Variants in SNUPN observed in about 807,000 individuals in gnomAD.
SNUPN encodes the protein snurportin-1.
In SNUPN, 31 loss-of-function variants were observed where a neutral mutation model predicts 39.2. That is an observed-to-expected ratio of 0.79 (90% confidence interval 0.59 to 1.07). SNUPN has a LOEUF of 1.07. Among genes scored for constraint, SNUPN ranks in the 50% least tolerant of loss-of-function variants. The pLI is 0.00. For synonymous variants in SNUPN, 132 were observed against 159.0 expected, an observed-to-expected ratio of 0.83 and a Z score of 1.28; for missense variants, 382 against 434.2, an observed-to-expected ratio of 0.88 and a Z score of 1.07.
At chr15:75,604,673 A>G (rs1340569950) in intron 7 of SNUPN, among the ~76,000 whole-genome samples, 1 of 152,216 alleles carries the variant, frequency 6.6e-6, no homozygotes, top group African/African-American at 2.4e-5. Flanking sequence ...TTTCAGATGG[A>G]AAATCTAAGG....
rs138216979 is a variant in SNUPN, at chr15:75,598,420, T to G, written c.1021A>C (p.Thr341Pro). ...NGHYELEHLS[T>P]PKLKGSSHSP... ...TGGGAAGAACCCTTCAACTTGGGAG[T>G]AGACAGGTGCTCCAATTCATAGTGC... Residue 341 changes from threonine (T) to proline (P), a missense_variant, in exon 9 of 9, where the codon ACT becomes CCT. Coordinates refer to ENST00000308588, the MANE Select transcript of SNUPN (RefSeq NM_005701.4). 1.1e-4 allele frequency: 174 copies of G among 1,614,104 alleles called. 1 individual carries two copies. Among genetic ancestry groups the G allele is most frequent in the Admixed American group, 1.7e-4 (10 of 59,998 alleles).
At chr15:75,603,660 C>CAT (rs2075308765) in intron 7 of SNUPN, among the ~76,000 whole-genome samples, 1 of 44,172 alleles carries the variant, frequency 2.3e-5, no homozygotes, top group Non-Finnish European at 4.7e-5. Context: ...GACTCTGTCT[C>CAT]AAAAAAAAAA....
In SNUPN at chr15:75,598,515, A is replaced by C. The variant is rs1381706017; in HGVS notation, c.926T>G (p.Ile309Ser). ...PDYAGHQLQQIMEHKKSQKEG... is the reference protein window; with the variant it reads ...PDYAGHQLQQSMEHKKSQKEG... Reference sequence around the variant, plus strand: ...CTTCTGGCTCTTCTTGTGCTCCATAATCTGCTGGAGCTGGTGCCCAGCATA... The same window carrying C: ...CTTCTGGCTCTTCTTGTGCTCCATACTCTGCTGGAGCTGGTGCCCAGCATA... The change falls in exon 9 of 9, where the codon ATT (isoleucine) becomes AGT (serine). Residue 309 changes from isoleucine (I) to serine (S), a missense_variant. Transcript: ENST00000308588. 8 of 1,613,978 alleles carry C rather than the reference A, an allele frequency of 5.0e-6. No homozygotes were observed. The highest frequency in any genetic ancestry group is 6.8e-6 in the Non-Finnish European group (8 of 1,179,976).
chr15:75,610,064 A>G (rs1320759970), intron 3 of SNUPN, 70 bp from the exon 4 acceptor site: 2 of 1,147,806 alleles, frequency 1.7e-6, no homozygotes, highest in Non-Finnish European at 2.6e-6. Flanking sequence ...ATGACAAGGC[A>G]TTAATATCCT....
At chr15:75,616,282 C>A (rs1892932034) in intron 3 of SNUPN, among the ~76,000 whole-genome samples, 1 of 151,518 alleles carries the variant, frequency 6.6e-6, no homozygotes, top group Admixed American at 6.6e-5. Flanking sequence ...CATGGTGAAA[C>A]CCTGTCTCTA....
In SNUPN at chr15:75,611,029, G is replaced by A. The variant is rs539780549; in HGVS notation, c.304-1035C>T. Among the ~76,000 whole-genome samples, 3 of 152,036 alleles carry A rather than the reference G, an allele frequency of 2.0e-5. No homozygotes were observed. In the East Asian group the frequency reaches 5.9e-4, roughly 30 times the overall value. On this transcript the variant is annotated intron_variant, in intron 3 of 8. Transcript: ENST00000308588. ...CCAAAAATACAAAAATTAGCTGGGC[G>A]TGTTGGCGGGCACCTATAATCCCAG...
chr15:75,625,266 G>A (rs1893193342), intron 1 of SNUPN: 1 of 93,950 alleles, frequency 1.1e-5, no homozygotes, highest in Non-Finnish European at 2.0e-5. Context: ...CCTCCTTCGC[G>A]TCTCCCCATC....
chr15:75,621,905 A>G (rs960601432), intron 1 of SNUPN, among the ~76,000 whole-genome samples: 1 of 152,126 alleles, frequency 6.6e-6, no homozygotes, highest in East Asian at 1.9e-4. Context: ...ATGTGGTGGC[A>G]GGCGCCTGTA....
At chr15:75,611,713 G>A (rs1296442070) in intron 3 of SNUPN, among the ~76,000 whole-genome samples, 3 of 151,874 alleles carry the variant, frequency 2.0e-5, no homozygotes. Flanking sequence ...AAATTAGCCA[G>A]GCGTGGTGGC....
Position 75,617,429 on chromosome 15 carries a change from T to C in SNUPN, c.282A>G (p.Leu94=), listed in dbSNP as rs1423763633. ...EEMDIDTVKK[L]PKHYANQLML... ...TTACTTGATTAGCATAGTGTTTTGGTAACTTCTTGACAGTGTCAATGTCCA... is the reference window on the plus strand; with the variant it reads ...TTACTTGATTAGCATAGTGTTTTGGCAACTTCTTGACAGTGTCAATGTCCA... Residue 94 remains leucine, a synonymous_variant, in exon 3 of 9, where the codon TTA becomes TTG. Coordinates refer to ENST00000308588, the MANE Select transcript of SNUPN (RefSeq NM_005701.4). 6.2e-7 allele frequency: 1 copy of C among 1,613,942 alleles called. No homozygotes were observed. The highest frequency in any genetic ancestry group is 1.7e-5 in the Admixed American group (1 of 59,976).
At chr15:75,611,580 G>C (rs1892783718) in intron 3 of SNUPN, among the ~76,000 whole-genome samples, 1 of 151,820 alleles carries the variant, frequency 6.6e-6, no homozygotes, top group Non-Finnish European at 1.5e-5. Context: ...TTTGTGGCCA[G>C]GAACGGTGGC....
rs990863259 is a variant in SNUPN at position 75,604,103 on chromosome 15, T to C, written c.678+1047A>G. On this transcript the variant is annotated intron_variant, in intron 7 of 8. Transcript: ENST00000308588. ...AGGACCTACATGATAATAACATCAC[T>C]GAAAGTACTGATCATATTTATTCTC... 4.6e-5 allele frequency among the ~76,000 whole-genome samples: 7 copies of C among 151,914 alleles called. No individual in the cohort carries two copies. The East Asian group carries it at 1.4e-3, about 29-fold the overall frequency.
At position 75,601,362 on chromosome 15, in the gene SNUPN, G is replaced by A. The variant is rs1026600978; in HGVS notation, c.679-144C>T. 1.1e-4 allele frequency: 64 copies of A among 590,766 alleles called. 1 individual carries two copies. The South Asian group carries it at 1.2e-3, about 11-fold the overall frequency. 36.6% of individuals were successfully genotyped at this position (590,766 alleles called of 1,614,324 possible). A position where few individuals can be genotyped will look rare whatever the true frequency, so the allele number is the denominator to read the frequency against. ...GGCAAAGTCAGGAGGATCACCTGAGGTCAAGAAATCAAGACAAGCCTGGCC... is the reference window on the plus strand; with the variant it reads ...GGCAAAGTCAGGAGGATCACCTGAGATCAAGAAATCAAGACAAGCCTGGCC... On this transcript the variant is annotated intron_variant, in intron 7 of 8. Coordinates refer to ENST00000308588, the MANE Select transcript of SNUPN (RefSeq NM_005701.4).
At chr15:75,615,602 T>A (rs965663734) in intron 3 of SNUPN, among the ~76,000 whole-genome samples, 1 of 134,548 alleles carries the variant, frequency 7.4e-6, no homozygotes, top group African/African-American at 3.1e-5. Context: ...TCATTTTTTT[T>A]TTTTTTTTTT....
intron 2 of SNUPN, among the ~76,000 whole-genome samples, chr15:75,619,950 T>A (rs1286880500): frequency 6.6e-6 from 1 of 152,116 alleles, no homozygotes; most frequent in Non-Finnish European, 1.5e-5. Context: ...GTTTTCGCCA[T>A]GTTGGTCAGG....
chr15:75,601,285 C>T, intron 7 of SNUPN, 67 bp from the exon 8 acceptor site: 1 of 1,169,974 alleles, frequency 8.5e-7, no homozygotes, highest in Non-Finnish European at 1.3e-6. Flanking sequence ...AATTGAAAAT[C>T]TCTGTCAGGC....
chr15:75,609,929 C>T lies in SNUPN; in HGVS notation c.369G>A (p.Val123=), dbSNP rs201021044. 99 of 1,614,134 alleles carry T rather than the reference C, an allele frequency of 6.1e-5. 1 individual carries two copies. The highest frequency in any genetic ancestry group is 8.1e-5 in the Non-Finnish European group (95 of 1,180,024). ...TAAGGGCTCTTTTTCCAACAGGGCA[C>T]ACGACCACAATCCATTCCTGCCCCA... The part of the protein sequence containing the change: ...SDLGQEWIVV[V]CPVGKRALIV... The change falls in exon 4 of 9, where the codon GTG becomes GTA. Residue 123 remains valine, a synonymous_variant. Coordinates refer to ENST00000308588, the MANE Select transcript of SNUPN (RefSeq NM_005701.4).
chr15:75,604,910 T>C (rs1478741899), intron 7 of SNUPN, among the ~76,000 whole-genome samples: 2 of 152,184 alleles, frequency 1.3e-5, no homozygotes, highest in Non-Finnish European at 2.9e-5. Flanking sequence ...GTCCATTGTG[T>C]CATTCTTATG....
At chr15:75,607,158 C>T in intron 6 of SNUPN, 58 bp downstream of exon 6, 1 of 1,288,858 alleles carries the variant, frequency 7.8e-7, no homozygotes, top group Middle Eastern at 2.2e-4. Flanking sequence ...TGCTGAGCCG[C>T]TTTCCCAGGA....
Sources: allele counts gnomAD v4.1 joint callset (sites outside exome capture counted in the v4.1 genomes callset), GRCh38; gene constraint gnomAD v4.1.1; transcripts MANE v1.5; gene names NCBI Gene and HGNC (gene_info 2026-07-23, HGNC 2026-07-21).